Variants in KCNQ3 observed in about 807,000 individuals in gnomAD.
The protein encoded by KCNQ3 is potassium voltage-gated channel subfamily KQT member 3.
In KCNQ3, 30 loss-of-function variants were observed where a neutral mutation model predicts 92.5. That is an observed-to-expected ratio of 0.32 (90% CI 0.24 to 0.44). The LOEUF is 0.44. KCNQ3 is among the 20% of genes least tolerant of loss of function. The pLI is 1.00. For synonymous variants in KCNQ3, 450 were observed against 468.8 expected, an observed-to-expected ratio of 0.96 and a Z score of 0.52; for missense variants, 913 against 1,140.3, an observed-to-expected ratio of 0.80 and a Z score of 2.87.
chr8:132,179,971 A>G (rs1293847995), intron 4 of KCNQ3, among the ~76,000 whole-genome samples, 186 bp downstream of exon 4: 1 of 151,944 alleles, frequency 6.6e-6, no homozygotes, highest in African/African-American at 2.4e-5. Context: ...CCTGAACCAC[A>G]CCTGCTCCTG....
chr8:132,242,830 T>C (rs1045098881), intron 1 of KCNQ3, among the ~76,000 whole-genome samples: 37 of 152,270 alleles, frequency 2.4e-4, no homozygotes, highest in Non-Finnish European at 1.0e-4. Context: ...TGTTCATTTA[T>C]AGGCACTTTG....
At position 132,463,088 on chromosome 8, in the gene KCNQ3, C is replaced by T. The variant is rs143808867; in HGVS notation, c.386+17059G>A. 3.7e-4 allele frequency among the ~76,000 whole-genome samples: 57 copies of T among 152,254 alleles called. 1 individual carries two copies. In the East Asian group the frequency reaches 0.01, roughly 27 times the overall value. Reference sequence around the variant, plus strand: ...TCATAAATAGCCCTGTTTTGGAAGACGACAATTTGGCCCACAACATGTTCA... The same window carrying T: ...TCATAAATAGCCCTGTTTTGGAAGATGACAATTTGGCCCACAACATGTTCA... On this transcript the variant is annotated intron_variant, in intron 1 of 14. Transcript: ENST00000388996.
chr8:132,141,172 C>A lies in KCNQ3; in HGVS notation c.1422G>T (p.Thr474=). Residue 474 remains threonine (T), a synonymous_variant, in exon 10 of 15, where the codon ACG becomes ACT. Coordinates refer to ENST00000388996, the MANE Select transcript of KCNQ3 (RefSeq NM_004519.4). ...AAGCGTAGGCTTTCATGCGGAAGGC[C>A]GTGCGGAAACGCTCTTTATTGTTTA... ...VGLNNKERFR[T]AFRMKAYAFW... 6.2e-7 allele frequency: 1 copy of A among 1,614,118 alleles called. No individual in the cohort carries two copies. Among genetic ancestry groups the A allele is most frequent in the Non-Finnish European group, 8.5e-7 (1 of 1,180,016 alleles).
intron 1 of KCNQ3, among the ~76,000 whole-genome samples, chr8:132,362,901 A>G (rs1160275448): frequency 6.6e-6 from 1 of 152,154 alleles, no homozygotes; most frequent in Non-Finnish European, 1.5e-5. Flanking sequence ...CGTGGGTTGT[A>G]AACAGGGAGC....
At chr8:132,407,232 C>A (rs1820508836) in intron 1 of KCNQ3, among the ~76,000 whole-genome samples, 1 of 152,178 alleles carries the variant, frequency 6.6e-6, no homozygotes. Flanking sequence ...CCAGCGGAGA[C>A]AGCACAGCCA....
intron 1 of KCNQ3, among the ~76,000 whole-genome samples, chr8:132,313,688 A>T (rs1202765728): frequency 1.3e-5 from 2 of 152,218 alleles, no homozygotes; most frequent in African/African-American, 4.8e-5. Flanking sequence ...TGACAAGATA[A>T]GTACCTATAT....
chr8:132,292,217 G>C (rs1816855495), intron 1 of KCNQ3, among the ~76,000 whole-genome samples: 1 of 152,218 alleles, frequency 6.6e-6, no homozygotes. Flanking sequence ...TGGACCTCAA[G>C]TGTCTTGATT....
intron 9 of KCNQ3, among the ~76,000 whole-genome samples, chr8:132,162,739 T>A (rs931927283): frequency 2.0e-5 from 3 of 152,168 alleles, no homozygotes; most frequent in African/African-American, 7.2e-5. Flanking sequence ...ATGGAAACAC[T>A]TGGGAGGATT....
intron 1 of KCNQ3, among the ~76,000 whole-genome samples, chr8:132,329,974 A>G (rs1818184073): frequency 6.6e-6 from 1 of 152,162 alleles, no homozygotes; most frequent in Admixed American, 6.5e-5. Context: ...TACACCCTGG[A>G]GCCTGTGAAC....
intron 1 of KCNQ3, among the ~76,000 whole-genome samples, chr8:132,197,635 T>C (rs867729972): frequency 4.7e-5 from 7 of 149,778 alleles, no homozygotes; most frequent in Admixed American, 1.3e-4. Flanking sequence ...GGACAAACCA[T>C]GTCTCTGATA....
intron 1 of KCNQ3, among the ~76,000 whole-genome samples, chr8:132,220,810 A>AC (rs34672574): frequency 0.25 from 36,870 of 149,354 alleles, 4,794 homozygotes; most frequent in African/African-American, 0.35. Context: ...ATGGCATGAA[A>AC]CTTTTTTTTA....
intron 1 of KCNQ3, among the ~76,000 whole-genome samples, chr8:132,475,243 G>A (rs9643290): frequency 0.52 from 79,282 of 152,074 alleles, 22,099 homozygotes; most frequent in East Asian, 0.78. Context: ...GGAAATTGGT[G>A]CCTGGAGTTT....
intron 4 of KCNQ3, among the ~76,000 whole-genome samples, chr8:132,176,272 A>T (rs1317089875): frequency 6.6e-6 from 1 of 152,234 alleles, no homozygotes; most frequent in Non-Finnish European, 1.5e-5. Context: ...TAAGTAAACA[A>T]GAGTAAGGTG....
At chr8:132,308,607 C>T (rs548658888) in intron 1 of KCNQ3, among the ~76,000 whole-genome samples, 56 of 152,244 alleles carry the variant, frequency 3.7e-4, no homozygotes, top group South Asian at 1.7e-3. Flanking sequence ...TGGCTGCATG[C>T]GTTTGTTTTT....
At chr8:132,385,368 C>G (rs73708442) in intron 1 of KCNQ3, among the ~76,000 whole-genome samples, 3,946 of 152,298 alleles carry the variant, frequency 0.026, 178 homozygotes, top group African/African-American at 0.091. Context: ...TTCTGGGGAG[C>G]CTAACATGCC....
At chr8:132,410,500 A>G (rs1052725703) in intron 1 of KCNQ3, among the ~76,000 whole-genome samples, 1 of 152,236 alleles carries the variant, frequency 6.6e-6, no homozygotes, top group East Asian at 1.9e-4. Context: ...GAGCTCAATT[A>G]TGAGTGGCTC....
At chr8:132,377,253 T>C (rs1367924851) in intron 1 of KCNQ3, among the ~76,000 whole-genome samples, 2 of 152,176 alleles carry the variant, frequency 1.3e-5, no homozygotes, top group Non-Finnish European at 2.9e-5. Flanking sequence ...TGCTTTTGGC[T>C]CTGGACACTC....
rs923968473 is a variant in KCNQ3 at position 132,124,164 on chromosome 8, G to A, written c.*5098C>T. 6.6e-6 allele frequency: 1 copy of A among 152,062 alleles called. No individual in the cohort carries two copies. Among genetic ancestry groups the A allele is most frequent in the African/African-American group, 2.4e-5 (1 of 41,390 alleles). The allele number at this position is 152,062 out of a possible 1,614,324, so 9.4% of individuals were successfully genotyped here. On this transcript the variant is annotated 3_prime_UTR_variant, in exon 15 of 15. Transcript: ENST00000388996. ...AAGATTCCTTCTGTTCTTTATTGTG[G>A]TAGACAAGAGCAAGCATTTTTATTT... is the stretch of plus-strand genomic sequence containing the variant.
intron 1 of KCNQ3, 42 bp downstream of exon 1, chr8:132,480,105 G>C (rs760475827): frequency 6.3e-7 from 1 of 1,585,480 alleles, no homozygotes; most frequent in Non-Finnish European, 8.6e-7. Flanking sequence ...AAGTCCCCAA[G>C]CGCGCCGCCG....
Sources: allele counts gnomAD v4.1 joint callset (sites outside exome capture counted in the v4.1 genomes callset), GRCh38; gene constraint gnomAD v4.1.1; transcripts MANE v1.5; gene names NCBI Gene and HGNC (gene_info 2026-07-23, HGNC 2026-07-21).